The following KIAA0586 variants were observed in gnomAD, a reference collection of about 807,000 sequenced individuals.
KIAA0586 encodes the protein protein TALPID3.
A neutral mutation model predicts 169.8 loss-of-function variants in KIAA0586; 144 were observed. That is an observed-to-expected ratio of 0.85 (90% CI 0.74 to 0.97). The LOEUF (loss-of-function observed/expected upper bound fraction) is 0.97. KIAA0586 is among the 50% of genes least tolerant of loss of function. The pLI is 0.00. For synonymous variants in KIAA0586, 625 were observed against 612.4 expected (o/e 1.02, Z -0.30); for missense variants, 1,854 against 1,823.0 (o/e 1.02, Z -0.31).
At position 58,442,880 on chromosome 14, in the gene KIAA0586, G is replaced by A; in HGVS notation, c.585G>A (p.Lys195=). The part of the protein sequence containing the change: ...AAIATAAPLI[K]VQSDLEAKVN... ...TTGCAACCGCAGCTCCGTTGATAAA[G>A]GTATATTTTTCTTCCCAGATAATCA... is the stretch of plus-strand genomic sequence containing the variant. The change falls in exon 5 of 31, where the codon AAG becomes AAA. Residue 195 remains lysine, a splice_region_variant and synonymous_variant. Transcript: ENST00000652326. 1 of 1,595,652 alleles carries A rather than the reference G, an allele frequency of 6.3e-7. No homozygotes were observed. Among genetic ancestry groups the A allele is most frequent in the Non-Finnish European group, 8.5e-7 (1 of 1,171,676 alleles).
At chr14:58,505,041 C>T (rs1478269176) in intron 27 of KIAA0586, among the ~76,000 whole-genome samples, 1 of 152,070 alleles carries the variant, frequency 6.6e-6, no homozygotes, top group East Asian at 1.9e-4. Flanking sequence ...TTTGAGTGCT[C>T]CCCACCACCA....
Position 58,492,275 on chromosome 14 carries a change from G to A in KIAA0586, c.3990G>A (p.Glu1330=), listed in dbSNP as rs1409769097. 2.6e-6 allele frequency: 4 copies of A among 1,538,274 alleles called. No homozygotes were observed. The highest frequency in any genetic ancestry group is 2.6e-6 in the Non-Finnish European group (3 of 1,143,436). ...CCCAGCAAGCAGTCTATCATTCAGA[G>A]GTACTTTTTAACTTTAATGACTTTT... The part of the protein sequence containing the change: ...AVSQQAVYHS[E]DLENSVGELS... Residue 1330 remains glutamate, a splice_region_variant and synonymous_variant, in exon 26 of 31, where the codon GAG becomes GAA. Transcript: ENST00000652326.
At chr14:58,515,574 A>G (rs983512044) in intron 29 of KIAA0586, among the ~76,000 whole-genome samples, 4 of 152,142 alleles carry the variant, frequency 2.6e-5, no homozygotes, top group Non-Finnish European at 2.9e-5. Flanking sequence ...CAGAACTACA[A>G]TTGACCTTAG....
rs183503643 is a variant in KIAA0586 at position 58,466,107 on chromosome 14, G to C, written c.2254+78G>C. ...TTGTTTGTGTGTTTATTAGAGACGGGGTTTCACTGTGTGGCTCAGAGTGGT... is the reference window on the plus strand; with the variant it reads ...TTGTTTGTGTGTTTATTAGAGACGGCGTTTCACTGTGTGGCTCAGAGTGGT... On this transcript the variant is annotated intron_variant, in intron 15 of 30. Transcript: ENST00000652326. The C allele has an allele frequency of 2.0e-3, 2,291 of 1,127,014 alleles. 7 individuals carry two copies. Among genetic ancestry groups the C allele is most frequent in the Non-Finnish European group, 2.6e-3 (2,039 of 784,888 alleles). 69.8% of individuals were successfully genotyped at this position (1,127,014 alleles called of 1,614,324 possible).
chr14:58,427,753 C>A lies in KIAA0586; in HGVS notation c.-512C>A. ...AGATTACACCCACGACGGTGCGGGTCTCGGGCGTTCTGGAGATACGTAGGG... is the reference window on the plus strand; with the variant it reads ...AGATTACACCCACGACGGTGCGGGTATCGGGCGTTCTGGAGATACGTAGGG... On this transcript the variant is annotated 5_prime_UTR_variant, in exon 1 of 31. Coordinates refer to ENST00000652326, the MANE Select transcript of KIAA0586 (RefSeq NM_001329943.3). 12 of 1,532,524 alleles carry A rather than the reference C, an allele frequency of 7.8e-6. No individual in the cohort carries two copies. The highest frequency in any genetic ancestry group is 1.0e-5 in the Non-Finnish European group (12 of 1,145,932). 94.9% of individuals were successfully genotyped at this position (1,532,524 alleles called of 1,614,324 possible).
At chr14:58,511,002 T>G (rs2044346180) in intron 28 of KIAA0586, among the ~76,000 whole-genome samples, 1 of 151,982 alleles carries the variant, frequency 6.6e-6, no homozygotes, top group South Asian at 2.1e-4. Context: ...GATAAAAGGG[T>G]GTGAGAAAAC....
rs534868871 is a variant in KIAA0586 at position 58,462,368 on chromosome 14, C to T, written c.2059+1208C>T. 9.2e-5 allele frequency among the ~76,000 whole-genome samples: 14 copies of T among 152,104 alleles called. 1 individual carries two copies. The South Asian group carries it at 2.9e-3, about 32-fold the overall frequency. On this transcript the variant is annotated intron_variant, in intron 14 of 30. Transcript: ENST00000652326. ...GTTCAAACGATTCTCCTGCCTCAGC[C>T]TCCCGAGTAGCTGGGATTACAGGCA...
At chr14:58,541,595 C>T (rs1372657656) in intron 30 of KIAA0586, among the ~76,000 whole-genome samples, 1 of 152,158 alleles carries the variant, frequency 6.6e-6, no homozygotes, top group Non-Finnish European at 1.5e-5. Context: ...AGAATTGAAT[C>T]CTACCATTCG....
chr14:58,531,326 C>CA (rs1025870057), intron 29 of KIAA0586, among the ~76,000 whole-genome samples: 7,470 of 95,742 alleles, frequency 0.078, 420 homozygotes, highest in African/African-American at 0.19. Flanking sequence ...GACTCCGTCT[C>CA]AAAAAAAAAA....
chr14:58,447,674 T>C (rs1282562742), intron 6 of KIAA0586, among the ~76,000 whole-genome samples: 2 of 151,866 alleles, frequency 1.3e-5, no homozygotes, highest in Non-Finnish European at 2.9e-5. Context: ...AGAGACGGGG[T>C]TTCACCATGT....
chr14:58,529,270 A>G lies in KIAA0586; in HGVS notation c.4430-10801A>G, dbSNP rs771026092. Among the ~76,000 whole-genome samples, 36 of 152,226 alleles carry G rather than the reference A, an allele frequency of 2.4e-4. 1 individual carries two copies. The highest frequency in any genetic ancestry group is 7.3e-5 in the Non-Finnish European group (5 of 68,046). On this transcript the variant is annotated intron_variant, in intron 29 of 30. Coordinates refer to ENST00000652326, the MANE Select transcript of KIAA0586 (RefSeq NM_001329943.3). ...GACAAATTCACAGGCGAATTCTACC[A>G]GAGGTACAAAGAGGAGCTGCTGCTA...
rs1025870057 is a variant in KIAA0586, at chr14:58,531,326, C to CAA, written c.4430-8731_4430-8730dup. 2.2e-3 allele frequency among the ~76,000 whole-genome samples: 215 copies of CAA among 96,120 alleles called. No homozygotes were observed. The Middle Eastern group carries it at 0.073, about 33-fold the overall frequency. 63.1% of individuals were successfully genotyped at this position (96,120 alleles called of 152,430 possible). ...TGGGGGACAGACCGAGACTCCGTCT[C>CAA]AAAAAAAAAAAAAAATAAAATAAAT... On this transcript the variant is annotated intron_variant, in intron 29 of 30. Transcript: ENST00000652326.
chr14:58,471,119 G>A (rs1744244115), intron 17 of KIAA0586, among the ~76,000 whole-genome samples: 1 of 152,086 alleles, frequency 6.6e-6, no homozygotes, highest in African/African-American at 2.4e-5. Context: ...CCCAAGTTCG[G>A]GAATTACAGG....
chr14:58,478,750 G>C (rs149538441), intron 20 of KIAA0586, among the ~76,000 whole-genome samples: 7 of 152,184 alleles, frequency 4.6e-5, no homozygotes, highest in Non-Finnish European at 1.0e-4. Flanking sequence ...AACCTCACTC[G>C]TGCCCACTGG....
At chr14:58,492,347 C>A in intron 26 of KIAA0586, 72 bp downstream of exon 26, 1 of 1,353,422 alleles carries the variant, frequency 7.4e-7, no homozygotes, top group Non-Finnish European at 9.9e-7. Flanking sequence ...ATTCTTACTA[C>A]TAGTTAAAGC....
rs1016841432 is a variant in KIAA0586, at chr14:58,551,201, A to G, written c.*3269A>G. Reference sequence around the variant, plus strand: ...AAGACTCTGTCTCAAAAATAAATAAATAAATAAATAAAATGTTCCTCTGTT... The same window carrying G: ...AAGACTCTGTCTCAAAAATAAATAAGTAAATAAATAAAATGTTCCTCTGTT... On this transcript the variant is annotated 3_prime_UTR_variant, in exon 31 of 31. Coordinates refer to ENST00000652326, the MANE Select transcript of KIAA0586 (RefSeq NM_001329943.3). 2 of 152,094 alleles carry G rather than the reference A, an allele frequency of 1.3e-5. No homozygotes were observed. Among genetic ancestry groups the G allele is most frequent in the African/African-American group, 4.8e-5 (2 of 41,398 alleles). 9.4% of individuals were successfully genotyped at this position (152,094 alleles called of 1,614,324 possible).
chr14:58,449,542 C>G (rs1363590975), intron 7 of KIAA0586, among the ~76,000 whole-genome samples: 1 of 152,020 alleles, frequency 6.6e-6, no homozygotes, highest in Non-Finnish European at 1.5e-5. Context: ...AACAAAAAAA[C>G]AAACAACAAC....
At chr14:58,466,616 G>A (rs2040795077) in intron 15 of KIAA0586, among the ~76,000 whole-genome samples, 1 of 152,050 alleles carries the variant, frequency 6.6e-6, no homozygotes, top group Admixed American at 6.6e-5. Flanking sequence ...TGTAGTCCTA[G>A]CTACTCTGGA....
At chr14:58,459,307 A>G (rs545138533) in intron 12 of KIAA0586, among the ~76,000 whole-genome samples, 2 of 152,160 alleles carry the variant, frequency 1.3e-5, no homozygotes, top group East Asian at 1.9e-4. Flanking sequence ...TAGGTACTAT[A>G]TGGTACACAC....
Sources: allele counts gnomAD v4.1 joint callset (sites outside exome capture counted in the v4.1 genomes callset), GRCh38; gene constraint gnomAD v4.1.1; transcripts MANE v1.5; gene names NCBI Gene and HGNC (gene_info 2026-07-23, HGNC 2026-07-21).